Variants in SLC17A8 observed in about 807,000 individuals in gnomAD.
SLC17A8 encodes the protein vesicular glutamate transporter 3.
Under a neutral mutation model 58.0 loss-of-function variants are expected in SLC17A8, and 31 were observed. The ratio of observed to expected loss-of-function variants is 0.53; its 90% CI spans 0.40 to 0.72. SLC17A8 has a LOEUF of 0.72. SLC17A8 is among the 30% of genes least tolerant of loss of function. The pLI is 0.00. For missense variants in SLC17A8, 655 were observed against 727.8 expected (o/e 0.90, Z 1.15); for synonymous variants, 228 against 249.0 (o/e 0.92, Z 0.79).
At position 100,357,107 on chromosome 12, in the gene SLC17A8, A is replaced by G; in HGVS notation, c.-285A>G. 5.1e-6 allele frequency: 2 copies of G among 389,048 alleles called. No individual in the cohort carries two copies. The highest frequency in any genetic ancestry group is 2.2e-5 in the South Asian group (1 of 46,454). The allele number at this position is 389,048 out of a possible 1,614,324, so 24.1% of individuals were successfully genotyped here. ...AGTGGCTGCCTGAGACAGCTGCCAC[A>G]GGCTGCTGCAGAGCGTGCAGCTTTT... On this transcript the variant is annotated 5_prime_UTR_variant, in exon 1 of 12. Transcript: ENST00000323346.
intron 3 of SLC17A8, 110 bp downstream of exon 3, chr12:100,391,229 C>T (rs145769970): frequency 2.6e-6 from 2 of 768,110 alleles, no homozygotes; most frequent in Non-Finnish European, 4.7e-6. Flanking sequence ...AAACAGGAGC[C>T]ATCTGGATAG....
chr12:100,373,256 G>A (rs1952570645), intron 1 of SLC17A8, among the ~76,000 whole-genome samples: 1 of 152,068 alleles, frequency 6.6e-6, no homozygotes, highest in Non-Finnish European at 1.5e-5. Context: ...AAACGAAATG[G>A]GATAAATAGC....
chr12:100,386,151 G>A (rs2135990836), intron 2 of SLC17A8, among the ~76,000 whole-genome samples: 1 of 152,250 alleles, frequency 6.6e-6, no homozygotes, highest in Non-Finnish European at 1.5e-5. Flanking sequence ...TTCCAGATAA[G>A]GTAGCATTTA....
chr12:100,416,726 G>A (rs910413205), intron 10 of SLC17A8, among the ~76,000 whole-genome samples: 4 of 152,114 alleles, frequency 2.6e-5, no homozygotes, highest in East Asian at 1.9e-4. Flanking sequence ...TAAACAAGAC[G>A]GATGGCTAAC....
chr12:100,379,922 G>A (rs1012854938), intron 1 of SLC17A8, among the ~76,000 whole-genome samples: 20 of 152,142 alleles, frequency 1.3e-4, no homozygotes, highest in African/African-American at 3.4e-4. Context: ...AAATTAGGCC[G>A]GGCACAGTGC....
chr12:100,390,724 C>T (rs1193195518), intron 2 of SLC17A8, among the ~76,000 whole-genome samples: 1 of 151,966 alleles, frequency 6.6e-6, no homozygotes, highest in African/African-American at 2.4e-5. Flanking sequence ...CTCACTGCAG[C>T]CTTGACCTCC....
intron 1 of SLC17A8, among the ~76,000 whole-genome samples, chr12:100,372,263 C>T (rs1952563805): frequency 6.6e-6 from 1 of 152,148 alleles, no homozygotes; most frequent in Non-Finnish European, 1.5e-5. Flanking sequence ...CCTTGGCTTG[C>T]AGATATTGCC....
At chr12:100,364,502 CA>C in intron 1 of SLC17A8, among the ~76,000 whole-genome samples, 1 of 152,186 alleles carries the variant, frequency 6.6e-6, no homozygotes, top group East Asian at 1.9e-4. Flanking sequence ...TCCCTGCTGC[CA>C]TGGTTACTCT....
intron 1 of SLC17A8, among the ~76,000 whole-genome samples, chr12:100,365,642 C>T (rs1461229578): frequency 6.6e-6 from 1 of 152,190 alleles, no homozygotes; most frequent in Non-Finnish European, 1.5e-5. Context: ...AATAACTTTT[C>T]CTTCACTTTG....
At chr12:100,375,872 G>C (rs1282807504) in intron 1 of SLC17A8, among the ~76,000 whole-genome samples, 1 of 152,152 alleles carries the variant, frequency 6.6e-6, no homozygotes, top group African/African-American at 2.4e-5. Flanking sequence ...GGATTCTTAT[G>C]GGCTGAATTG....
At chr12:100,395,336 T>TG (rs1286130199) in intron 4 of SLC17A8, among the ~76,000 whole-genome samples, 2 of 151,538 alleles carry the variant, frequency 1.3e-5, no homozygotes, top group Non-Finnish European at 2.9e-5. Context: ...ATTTTTTTTT[T>TG]TTTTTTTTGA....
chr12:100,413,665 T>C (rs1403358490), intron 10 of SLC17A8, among the ~76,000 whole-genome samples: 1 of 152,184 alleles, frequency 6.6e-6, no homozygotes, highest in Non-Finnish European at 1.5e-5. Context: ...TGTCTATCTT[T>C]AAAACATCGT....
intron 1 of SLC17A8, among the ~76,000 whole-genome samples, chr12:100,369,908 T>C (rs1440010378): frequency 6.6e-6 from 1 of 152,196 alleles, no homozygotes; most frequent in African/African-American, 2.4e-5. Flanking sequence ...TAACGTTAAA[T>C]GGCAACTGAG....
chr12:100,365,491 C>T (rs1015383010), intron 1 of SLC17A8, among the ~76,000 whole-genome samples: 13 of 152,104 alleles, frequency 8.5e-5, no homozygotes, highest in Non-Finnish European at 8.8e-5. Flanking sequence ...TTTTGGATTT[C>T]ATTAAAAACC....
intron 5 of SLC17A8, among the ~76,000 whole-genome samples, chr12:100,397,163 T>C (rs943579096): frequency 1.1e-4 from 16 of 152,002 alleles, no homozygotes; most frequent in African/African-American, 3.9e-4. Flanking sequence ...TTGGAAGTGG[T>C]TGTTGGATTA....
At position 100,420,000 on chromosome 12, in the gene SLC17A8, G is replaced by A. The variant is rs759209427; in HGVS notation, c.1611G>A (p.Glu537=). 1 of 1,613,910 alleles carries A rather than the reference G, an allele frequency of 6.2e-7. No individual in the cohort carries two copies. The highest frequency in any genetic ancestry group is 8.5e-7 in the Non-Finnish European group (1 of 1,179,948). Residue 537 remains glutamate, a synonymous_variant, in exon 12 of 12, where the codon GAG becomes GAA. Transcript: ENST00000323346. The stretch of plus-strand genomic sequence containing the variant: ...CTGAGGAGATAGAACTCAACCATGA[G>A]AGTTTTGCGAGTCCCAAAAAGAAGA... ...ELAEEIELNH[E]SFASPKKKMS... is the part of the protein sequence containing the mutation.
intron 1 of SLC17A8, among the ~76,000 whole-genome samples, chr12:100,377,868 G>A (rs940128860): frequency 6.6e-5 from 10 of 152,284 alleles, no homozygotes; most frequent in South Asian, 6.2e-4. Context: ...GATTACAGGC[G>A]TGAGCCACCG....
chr12:100,419,715 C>T lies in SLC17A8; in HGVS notation c.1426-100C>T, dbSNP rs141057478. On this transcript the variant is annotated intron_variant, in intron 11 of 11. Coordinates refer to ENST00000323346, the MANE Select transcript of SLC17A8 (RefSeq NM_139319.3). ...AAGGAGCCTCTAGAGCATCACCTTC[C>T]AAATGGGCAGGTGCTTTTTCACAGT... is the stretch of plus-strand genomic sequence containing the variant. 1,977 of 1,204,170 alleles carry T rather than the reference C, an allele frequency of 1.6e-3. 21 individuals carry two copies. The African/African-American group carries it at 0.024, about 14-fold the overall frequency. The allele number at this position is 1,204,170 out of a possible 1,614,324, so 74.6% of individuals were successfully genotyped here. A position where few individuals can be genotyped will look rare whatever the true frequency, so the allele number is the denominator to read the frequency against.
At chr12:100,400,973 T>C (rs1952786659) in intron 5 of SLC17A8, among the ~76,000 whole-genome samples, 1 of 150,238 alleles carries the variant, frequency 6.7e-6, no homozygotes, top group Non-Finnish European at 1.5e-5. Flanking sequence ...TCTTGCCATC[T>C]GGAATTTAAT....
Sources: gnomAD v4.1 joint callset for allele counts (sites outside exome capture counted in the v4.1 genomes callset) on GRCh38, gnomAD v4.1.1 for gene constraint, MANE v1.5 for transcripts, NCBI Gene and HGNC (gene_info 2026-07-23, HGNC 2026-07-21) for gene names.